The following STS variants were observed in gnomAD, a reference collection of about 807,000 sequenced individuals.
STS encodes the protein steryl-sulfatase.
STS carries 7 observed loss-of-function variants against 26.8 expected under a neutral mutation model. That is an observed-to-expected ratio of 0.26 (90% CI 0.15 to 0.49). STS has a LOEUF of 0.49. Ranked by LOEUF, STS falls within the 20% of genes least tolerant of loss-of-function variation. The probability of loss-of-function intolerance (pLI) is 0.98; values close to 1 mark genes in which losing one functional copy is unlikely to be tolerated. For missense variants in STS, 434 were observed against 465.6 expected (o/e 0.93, Z 0.63); for synonymous variants, 199 against 189.4 (o/e 1.05, Z -0.42).
chrX:7,162,558 A>G (rs549181559), intron 1 of STS, among the ~76,000 whole-genome samples: 38 of 109,985 alleles, frequency 3.5e-4, no homozygotes, highest in South Asian at 2.4e-3. Flanking sequence ...CTCTTTCACA[A>G]TGAATTTGTC....
chrX:7,205,376 G>A (rs1388119729), intron 2 of STS, among the ~76,000 whole-genome samples: 4 of 111,748 alleles, frequency 3.6e-5, no homozygotes, highest in African/African-American at 1.3e-4. Context: ...GATATTACAT[G>A]TGAGAGTGCA....
chrX:7,284,560 T>C (rs1414216127), intron 7 of STS, among the ~76,000 whole-genome samples: 1 of 112,814 alleles, frequency 8.9e-6, no homozygotes, highest in African/African-American at 3.2e-5. Flanking sequence ...CTCTCTCTCA[T>C]CTGCTTCCGC....
chrX:7,289,282 G>A (rs1925295424), intron 7 of STS, among the ~76,000 whole-genome samples: 2 of 111,530 alleles, frequency 1.8e-5, no homozygotes. Context: ...GGCAGCAACA[G>A]TGATTTGCAA....
chrX:7,307,152 G>A (rs985682187), intron 8 of STS, among the ~76,000 whole-genome samples: 43 of 110,714 alleles, frequency 3.9e-4, no homozygotes, highest in Non-Finnish European at 7.0e-4. Flanking sequence ...CTTCCTTTAG[G>A]TCTCATTGTT....
intron 5 of STS, among the ~76,000 whole-genome samples, chrX:7,258,240 AGAT>A (rs1180094237): frequency 3.8e-5 from 4 of 106,663 alleles, no homozygotes; most frequent in Non-Finnish European, 5.8e-5. Flanking sequence ...TGGATGAAAT[AGAT>A]GATGATAGAT....
At chrX:7,226,535 A>G (rs189323339) in intron 2 of STS, among the ~76,000 whole-genome samples, 1 of 111,715 alleles carries the variant, frequency 9.0e-6, no homozygotes. Context: ...ATTCAATTGT[A>G]TAGGAAATGG....
At chrX:7,294,438 G>T (rs768815886) in intron 7 of STS, among the ~76,000 whole-genome samples, 73 of 111,044 alleles carry the variant, frequency 6.6e-4, no homozygotes, top group Non-Finnish European at 8.7e-4. Context: ...AGTTAATTCA[G>T]ATGGGATTAA....
intron 2 of STS, among the ~76,000 whole-genome samples, chrX:7,244,901 A>G (rs1397649517): frequency 2.7e-5 from 3 of 112,237 alleles, no homozygotes; most frequent in Non-Finnish European, 5.6e-5. Context: ...GAAATTGGTT[A>G]AGAAGTAGGT....
intron 1 of STS, among the ~76,000 whole-genome samples, chrX:7,164,364 T>C (rs1933307415): frequency 8.9e-6 from 1 of 111,928 alleles, no homozygotes; most frequent in African/African-American, 3.2e-5. Context: ...GTGCTGTTGT[T>C]TTTTGGTTTA....
chrX:7,214,908 CAT>C (rs200673083), intron 2 of STS, among the ~76,000 whole-genome samples: 8 of 97,606 alleles, frequency 8.2e-5, no homozygotes, highest in South Asian at 9.1e-4. Context: ...AGTATTCCAT[CAT>C]ATATATATAT....
intron 2 of STS, among the ~76,000 whole-genome samples, chrX:7,234,424 G>A (rs1478646676): frequency 8.9e-6 from 1 of 112,261 alleles, no homozygotes; most frequent in African/African-American, 3.2e-5. Flanking sequence ...CTCTGTTGCC[G>A]ACATGCAAGG....
Position 7,350,213 on chromosome X carries a change from G to A in STS, c.1689G>A (p.Leu563=), listed in dbSNP as rs1425819185. The A allele has an allele frequency of 9.9e-6, 12 of 1,210,179 alleles. No individual in the cohort carries two copies. The highest frequency in any genetic ancestry group is 1.3e-5 in the Non-Finnish European group (12 of 895,150). The change falls in exon 11 of 11, where the codon CTG becomes CTA. Residue 563 remains leucine (L), a synonymous_variant. Coordinates refer to ENST00000674429, the MANE Select transcript of STS (RefSeq NM_001320752.2). ...WLQLCCPSTG[L]SCQCDREKQD... ...AGCTGTGCTGTCCTTCCACCGGCCT[G>A]TCTTGCCAGTGTGATAGAGAAAAAC...
intron 8 of STS, among the ~76,000 whole-genome samples, chrX:7,309,768 C>T (rs1362969593): frequency 9.0e-6 from 1 of 111,103 alleles, no homozygotes; most frequent in Non-Finnish European, 1.9e-5. Flanking sequence ...AATAATAGGA[C>T]TGTTTCATTT....
At chrX:7,323,755 A>G (rs961049681) in intron 8 of STS, among the ~76,000 whole-genome samples, 1 of 111,798 alleles carries the variant, frequency 8.9e-6, no homozygotes, top group African/African-American at 3.3e-5. Flanking sequence ...TGGGTCCTCA[A>G]GGTGTTGGCA....
chrX:7,165,307 G>A (rs938903163), intron 1 of STS, among the ~76,000 whole-genome samples: 1 of 109,619 alleles, frequency 9.1e-6, no homozygotes, highest in Non-Finnish European at 1.9e-5. Context: ...TCCCTGGAAT[G>A]CACAATCACC....
intron 6 of STS, among the ~76,000 whole-genome samples, chrX:7,264,849 G>T (rs1234287895): frequency 3.6e-5 from 4 of 111,461 alleles, no homozygotes; most frequent in African/African-American, 1.3e-4. Context: ...TCTAGAAGGT[G>T]ATGCTGACAG....
chrX:7,283,932 T>C (rs1023880059), intron 7 of STS, among the ~76,000 whole-genome samples: 6 of 111,024 alleles, frequency 5.4e-5, no homozygotes, highest in African/African-American at 1.6e-4. Context: ...TGCTGGATGA[T>C]GAATGGAAGG....
In STS at chrX:7,334,461, C is replaced by G. The variant is rs146765550; in HGVS notation, c.1363+354C>G. On this transcript the variant is annotated intron_variant, in intron 10 of 10. Transcript: ENST00000674429. The stretch of plus-strand genomic sequence containing the variant: ...TTCACTTCCTAGCACTCCTCTCACA[C>G]TGAAGAAAGCAGCCCCTGTGCTCTG... 2.9e-3 allele frequency among the ~76,000 whole-genome samples: 319 copies of G among 111,897 alleles called. 3 individuals carry two copies. The highest frequency in any genetic ancestry group is 9.8e-3 in the African/African-American group (302 of 30,859).
intron 6 of STS, among the ~76,000 whole-genome samples, chrX:7,272,030 T>C (rs750937920): frequency 5.0e-4 from 55 of 109,548 alleles, no homozygotes; most frequent in African/African-American, 1.8e-3. Context: ...TGTGAGCAGT[T>C]CGAGGAGCCC....
Sources: gnomAD v4.1 joint callset for allele counts (sites outside exome capture counted in the v4.1 genomes callset) on GRCh38, gnomAD v4.1.1 for gene constraint, MANE v1.5 for transcripts, NCBI Gene and HGNC (gene_info 2026-07-23, HGNC 2026-07-21) for gene names.